Variants in EIF2S1 observed in about 807,000 individuals in gnomAD.
The protein encoded by EIF2S1 is eukaryotic translation initiation factor 2 subunit 1.
A neutral mutation model predicts 33.5 loss-of-function variants in EIF2S1; 5 were observed. That is an observed-to-expected ratio of 0.15 (90% CI 0.08 to 0.31). The LOEUF is 0.31. Ranked by LOEUF, EIF2S1 falls within the 10% of genes least tolerant of loss-of-function variation. The pLI is 1.00. For missense variants in EIF2S1, 191 were observed against 384.6 expected, an observed-to-expected ratio of 0.50 and a Z score of 4.21; for synonymous variants, 99 against 127.5, an observed-to-expected ratio of 0.78 and a Z score of 1.51.
intron 2 of EIF2S1, among the ~76,000 whole-genome samples, chr14:67,367,162 C>G (rs138267036): frequency 0.012 from 1,827 of 152,346 alleles, 18 homozygotes; most frequent in Non-Finnish European, 0.018. Context: ...ATTTCAGTTG[C>G]TTACCATCTG....
intron 5 of EIF2S1, 78 bp downstream of exon 5, chr14:67,380,843 A>G (rs2085884214): frequency 2.9e-6 from 2 of 701,450 alleles, no homozygotes; most frequent in Non-Finnish European, 4.4e-6. Flanking sequence ...CTTACCAAAG[A>G]ATATGTTGCT....
intron 2 of EIF2S1, among the ~76,000 whole-genome samples, chr14:67,372,480 T>C (rs371022854): frequency 2.6e-5 from 4 of 152,270 alleles, no homozygotes; most frequent in East Asian, 3.9e-4. Flanking sequence ...AAAGACACTA[T>C]AAAGAGAATA....
chr14:67,376,661 C>T, intron 4 of EIF2S1, 71 bp downstream of exon 4: 5 of 1,510,118 alleles, frequency 3.3e-6, no homozygotes, highest in Non-Finnish European at 4.5e-6. Context: ...AACAGCATAG[C>T]ATCCATGTAT....
intron 2 of EIF2S1, 59 bp from the exon 3 acceptor site, chr14:67,374,409 G>A: frequency 9.5e-7 from 1 of 1,055,166 alleles, no homozygotes; most frequent in Non-Finnish European, 1.4e-6. Flanking sequence ...TTCAAAGCTG[G>A]TTACAATAGT....
In EIF2S1 at chr14:67,383,451, A is replaced by G. The variant is rs886186422; in HGVS notation, c.*11A>G. The G allele has an allele frequency of 6.2e-7, 1 of 1,611,996 alleles. No homozygotes were observed. The highest frequency in any genetic ancestry group is 2.2e-5 in the East Asian group (1 of 44,804). ...AAAGCTGAAGATTAACTTTGTGGGA[A>G]ACAGAGTCCAATTTAAGGAACACAG... On this transcript the variant is annotated 3_prime_UTR_variant, in exon 8 of 8. Coordinates refer to ENST00000256383, the MANE Select transcript of EIF2S1 (RefSeq NM_004094.5).
chr14:67,361,428 T>TGAAA (rs1263665083), intron 1 of EIF2S1, among the ~76,000 whole-genome samples: 6 of 152,200 alleles, frequency 3.9e-5, no homozygotes, highest in Non-Finnish European at 7.3e-5. Flanking sequence ...ATAACTTTCT[T>TGAAA]TTTCAACTAT....
At chr14:67,376,080 AG>A (rs2085856456) in intron 3 of EIF2S1, among the ~76,000 whole-genome samples, 1 of 152,194 alleles carries the variant, frequency 6.6e-6, no homozygotes, top group South Asian at 2.1e-4. Context: ...TTCTCTCCTC[AG>A]GGAGTAATAA....
At chr14:67,381,355 C>T (rs2085886863) in intron 5 of EIF2S1, among the ~76,000 whole-genome samples, 2 of 151,948 alleles carry the variant, frequency 1.3e-5, no homozygotes, top group Non-Finnish European at 2.9e-5. Context: ...AGTAGAATTT[C>T]TGAGTCAAAG....
intron 1 of EIF2S1, among the ~76,000 whole-genome samples, chr14:67,363,205 C>T: frequency 6.6e-6 from 1 of 151,760 alleles, no homozygotes. Context: ...ACAGTTTCCC[C>T]ACCCCCACCC....
At chr14:67,378,400 T>C (rs2085869180) in intron 4 of EIF2S1, among the ~76,000 whole-genome samples, 1 of 150,754 alleles carries the variant, frequency 6.6e-6, no homozygotes, top group South Asian at 2.1e-4. Flanking sequence ...TATATAATTC[T>C]AACAACAACC....
rs56367500 is a variant in EIF2S1 at position 67,373,140 on chromosome 14, A to G, written c.242-1328A>G. Among the ~76,000 whole-genome samples, 1,134 of 152,312 alleles carry G rather than the reference A, an allele frequency of 7.4e-3. 16 individuals carry two copies. Among genetic ancestry groups the G allele is most frequent in the African/African-American group, 0.026 (1,070 of 41,558 alleles). ...GGAAAGTTTGGCAGATAAAATTAAC[A>G]TGTACTTAATATATAACCCAGCTGT... On this transcript the variant is annotated intron_variant, in intron 2 of 7. Coordinates refer to ENST00000256383, the MANE Select transcript of EIF2S1 (RefSeq NM_004094.5).
intron 4 of EIF2S1, among the ~76,000 whole-genome samples, chr14:67,378,527 C>T (rs762203269): frequency 2.7e-4 from 41 of 152,136 alleles, no homozygotes; most frequent in Non-Finnish European, 5.0e-4. Context: ...AGTATTCAAA[C>T]GCGTGCATTC....
chr14:67,368,138 A>G (rs1255616694), intron 2 of EIF2S1, among the ~76,000 whole-genome samples: 2 of 152,164 alleles, frequency 1.3e-5, no homozygotes, highest in Non-Finnish European at 2.9e-5. Flanking sequence ...AGGAGTCACA[A>G]GGAACTAGGG....
At chr14:67,374,387 C>A in intron 2 of EIF2S1, 81 bp from the exon 3 acceptor site, 1 of 713,086 alleles carries the variant, frequency 1.4e-6, no homozygotes, top group Non-Finnish European at 2.2e-6. Context: ...CAATCAAACA[C>A]TTAATTTGGT....
chr14:67,369,441 T>C (rs1026823583), intron 2 of EIF2S1, among the ~76,000 whole-genome samples: 2 of 152,170 alleles, frequency 1.3e-5, no homozygotes, highest in African/African-American at 4.8e-5. Context: ...CTCTGAACAA[T>C]TGGAGAAACA....
intron 1 of EIF2S1, among the ~76,000 whole-genome samples, chr14:67,361,893 G>A (rs1267419325): frequency 6.6e-6 from 1 of 151,868 alleles, no homozygotes; most frequent in Non-Finnish European, 1.5e-5. Context: ...TAGTATTTCT[G>A]TTCCACCTTT....
In EIF2S1 at chr14:67,364,986, C is replaced by T. The variant is rs1452055471; in HGVS notation, c.219C>T (p.Val73=). The change falls in exon 2 of 8, where the codon GTC becomes GTT. Residue 73 remains valine (V), a synonymous_variant. Transcript: ENST00000256383. The part of the protein sequence containing the change: ...IRIGRNECVV[V]IRVDKEKGYI... ...TTGGCAGGAATGAGTGTGTGGTTGT[C>T]ATTAGGGTGGACAAAGAAAAAGGTA... is the stretch of plus-strand genomic sequence containing the variant. The T allele has an allele frequency of 1.9e-6, 3 of 1,606,970 alleles. No homozygotes were observed.
chr14:67,365,797 C>T (rs1042201684), intron 2 of EIF2S1, among the ~76,000 whole-genome samples: 21 of 152,120 alleles, frequency 1.4e-4, no homozygotes, highest in African/African-American at 4.3e-4. Flanking sequence ...TCTCCTCAGC[C>T]GTCTGGTTTA....
chr14:67,361,199 A>T (rs935470129), intron 1 of EIF2S1, among the ~76,000 whole-genome samples: 27 of 152,322 alleles, frequency 1.8e-4, no homozygotes, highest in African/African-American at 6.3e-4. Flanking sequence ...CTCAAAACTT[A>T]GGCTTTTTAA....
Sources: allele counts gnomAD v4.1 joint callset (sites outside exome capture counted in the v4.1 genomes callset), GRCh38; gene constraint gnomAD v4.1.1; transcripts MANE v1.5; gene names NCBI Gene and HGNC (gene_info 2026-07-23, HGNC 2026-07-21).